Variants in UBA52 observed in about 807,000 individuals in gnomAD.
The protein encoded by UBA52 is ubiquitin A-52 residue ribosomal protein fusion product 1, also known as ubiquitin-ribosomal protein eL40 fusion protein.
A neutral mutation model predicts 15.3 loss-of-function variants in UBA52; 1 was observed. The observed-to-expected ratio is 0.07, with a 90% CI of 0.02 to 0.31. The LOEUF is 0.31. Among genes scored for constraint, UBA52 ranks in the 10% least tolerant of loss-of-function variants. The probability of loss-of-function intolerance (pLI) is 1.00; values close to 1 mark genes in which losing one functional copy is unlikely to be tolerated. For synonymous variants in UBA52, 50 were observed against 58.3 expected, an observed-to-expected ratio of 0.86 and a Z score of 0.65; for missense variants, 87 against 168.0, an observed-to-expected ratio of 0.52 and a Z score of 2.66.
rs1975739565 is a variant in UBA52, at chr19:18,575,373, G to C, written c.*223G>C. 1 of 565,650 alleles carries C rather than the reference G, an allele frequency of 1.8e-6. No homozygotes were observed. The highest frequency in any genetic ancestry group is 1.9e-5 in the African/African-American group (1 of 53,060). 35.0% of individuals were successfully genotyped at this position (565,650 alleles called of 1,614,324 possible). On this transcript the variant is annotated 3_prime_UTR_variant, in exon 5 of 5. Transcript: ENST00000442744. ...TCCTAGATTCTGTCACATCGGCATTGGTCCCTGCCCTATGCCCCTGACTCT... is the reference window on the plus strand; with the variant it reads ...TCCTAGATTCTGTCACATCGGCATTCGTCCCTGCCCTATGCCCCTGACTCT...
upstream of UBA52, among the ~76,000 whole-genome samples, chr19:18,566,839 C>T (rs1975264388): frequency 6.6e-6 from 1 of 152,004 alleles, no homozygotes; most frequent in African/African-American, 2.4e-5. Flanking sequence ...ATGTAAGAAG[C>T]AGCCTCGCAG....
upstream of UBA52, among the ~76,000 whole-genome samples, chr19:18,571,190 A>C (rs1384771272): frequency 6.6e-6 from 1 of 151,490 alleles, no homozygotes; most frequent in South Asian, 2.1e-4. Context: ...CACACTTGTA[A>C]TCGCAGCTAC....
In UBA52 at chr19:18,571,857, C is replaced by G. The variant is rs534884486; in HGVS notation, c.-61C>G. 6.6e-6 allele frequency: 1 copy of G among 152,634 alleles called. No individual in the cohort carries two copies. Among genetic ancestry groups the G allele is most frequent in the African/African-American group, 2.4e-5 (1 of 41,492 alleles). 9.5% of individuals were successfully genotyped at this position (152,634 alleles called of 1,614,324 possible). On this transcript the variant is annotated 5_prime_UTR_variant, in exon 1 of 5. Transcript: ENST00000442744. ...ATTAGGTGGTTTCCGGTTCCGCTAT[C>G]TTCTTTTTCTTCAGCGAGGCGGCCG...
chr19:18,570,318 C>T (rs1407631462), upstream of UBA52, among the ~76,000 whole-genome samples: 2 of 151,416 alleles, frequency 1.3e-5, no homozygotes, highest in African/African-American at 2.4e-5. Flanking sequence ...CTCCTGCCTC[C>T]GAAGTAGCTG....
chr19:18,564,296 C>T, the UBA52 span, among the ~76,000 whole-genome samples: 2 of 152,162 alleles, frequency 1.3e-5, no homozygotes, highest in East Asian at 1.9e-4. Flanking sequence ...AGGGCTGGGC[C>T]AGAGGAACAA....
upstream of UBA52, among the ~76,000 whole-genome samples, chr19:18,570,971 C>A (rs1975459161): frequency 6.6e-6 from 1 of 151,370 alleles, no homozygotes; most frequent in Admixed American, 6.6e-5. Flanking sequence ...AGTCACCGGA[C>A]CCAGGTCCCG....
upstream of UBA52, chr19:18,568,695 C>T (rs542881605): frequency 7.8e-7 from 1 of 1,278,948 alleles, no homozygotes; most frequent in East Asian, 2.4e-5. Context: ...AGCGGGTAAC[C>T]CTGCCTTGTT....
intron 1 of UBA52, chr19:18,572,319 A>G (rs559406349): frequency 1.3e-5 from 2 of 152,016 alleles, no homozygotes; most frequent in African/African-American, 4.8e-5. Context: ...TGCTTTTTAG[A>G]CTTTTCTTTA....
chr19:18,575,232 G>C lies in UBA52; in HGVS notation c.*82G>C, dbSNP rs773726468. ...CAATAAAGTGTCCCTTTCATTGACT[G>C]GAGCAGCAATTGGTGTCCTCATGGC... On this transcript the variant is annotated 3_prime_UTR_variant, in exon 5 of 5. Coordinates refer to ENST00000442744, the MANE Select transcript of UBA52 (RefSeq NM_001033930.3). 6.5e-6 allele frequency: 10 copies of C among 1,536,584 alleles called. No individual in the cohort carries two copies. The highest frequency in any genetic ancestry group is 8.9e-6 in the Non-Finnish European group (10 of 1,121,898).
rs537500788 is a variant in UBA52, at chr19:18,573,934, T to G, written c.190+186T>G. ...GGGAGGCTTAGGCGGGTGGATCACC[T>G]GAGGTCAGGAGTTCAAGACCAGCCT... is the stretch of plus-strand genomic sequence containing the variant. On this transcript the variant is annotated intron_variant, in intron 3 of 4. Transcript: ENST00000442744. 6.1e-5 allele frequency: 36 copies of G among 589,830 alleles called. No homozygotes were observed. In the South Asian group the frequency reaches 7.0e-4, roughly 11 times the overall value. 36.5% of individuals were successfully genotyped at this position (589,830 alleles called of 1,614,324 possible).
At chr19:18,573,190 TTG>T in intron 1 of UBA52, 101 bp from the exon 2 acceptor site, 1 of 1,224,002 alleles carries the variant, frequency 8.2e-7, no homozygotes, top group South Asian at 1.4e-5. Flanking sequence ...CCAGTTGGAC[TTG>T]GTGCAGGCAA....
At chr19:18,572,805 G>C (rs1378190971) in intron 1 of UBA52, 67 of 1,009,360 alleles carry the variant, frequency 6.6e-5, no homozygotes, top group Non-Finnish European at 7.7e-5. Flanking sequence ...AGTTAGAGAG[G>C]AGAGAGGCTG....
At position 18,573,755 on chromosome 19, in the gene UBA52, G is replaced by T. The variant is rs1168986078; in HGVS notation, c.190+7G>T. ...GACTACAACATCCAGAAAGGTACCG[G>T]GGTTGGGGTTGCTGGGCAGGGACCC... On this transcript the variant is annotated splice_region_variant and intron_variant, in intron 3 of 4. Coordinates refer to ENST00000442744, the MANE Select transcript of UBA52 (RefSeq NM_001033930.3). 1 of 1,613,650 alleles carries T rather than the reference G, an allele frequency of 6.2e-7. No homozygotes were observed. The highest frequency in any genetic ancestry group is 1.7e-5 in the Admixed American group (1 of 59,920).
upstream of UBA52, among the ~76,000 whole-genome samples, chr19:18,568,068 T>C (rs1339823942): frequency 6.6e-6 from 1 of 152,054 alleles, no homozygotes; most frequent in East Asian, 1.9e-4. Flanking sequence ...GGGAGTTCGA[T>C]ACCAGCCTGA....
rs1975787848 is a variant in UBA52 at position 18,576,487 on chromosome 19, GC to G, written c.*1338del. 1 of 151,782 alleles carries G rather than the reference GC, an allele frequency of 6.6e-6. No homozygotes were observed. Among genetic ancestry groups the G allele is most frequent in the Admixed American group, 6.6e-5 (1 of 15,234 alleles). 9.4% of individuals were successfully genotyped at this position (151,782 alleles called of 1,614,324 possible). On this transcript the variant is annotated 3_prime_UTR_variant, in exon 5 of 5. Coordinates refer to ENST00000442744, the MANE Select transcript of UBA52 (RefSeq NM_001033930.3). ...GGGTGCAGTGGTAGGATCATAGCTTGCTGCAGCCTTGATCTCCCAGGATCTT... is the reference window on the plus strand; with the variant it reads ...GGGTGCAGTGGTAGGATCATAGCTTGTGCAGCCTTGATCTCCCAGGATCTT...
intron 1 of UBA52, chr19:18,572,987 C>T (rs1975580039): frequency 4.1e-6 from 5 of 1,206,668 alleles, no homozygotes; most frequent in Admixed American, 7.7e-5. Flanking sequence ...GAGATACTGA[C>T]GAGTCCTTCC....
At chr19:18,569,482 A>G (rs545258788), upstream of UBA52, 5 of 152,810 alleles carry the variant, frequency 3.3e-5, no homozygotes, top group East Asian at 9.6e-4. Flanking sequence ...GGTGCAGACA[A>G]TCAGGCACTA....
rs1213951900 is a variant in UBA52, at chr19:18,577,004, C to T, written c.*1854C>T. Reference sequence around the variant, plus strand: ...TTTTTTTTTTTTTTTTTTTTACAGACATGGTCTCGCTATGTTGCCCAGAAT... The same window carrying T: ...TTTTTTTTTTTTTTTTTTTTACAGATATGGTCTCGCTATGTTGCCCAGAAT... On this transcript the variant is annotated 3_prime_UTR_variant, in exon 5 of 5. Transcript: ENST00000442744. The T allele has an allele frequency of 1.8e-5, 2 of 109,694 alleles. No individual in the cohort carries two copies. Among genetic ancestry groups the T allele is most frequent in the Non-Finnish European group, 3.8e-5 (2 of 52,540 alleles). The allele number at this position is 109,694 out of a possible 1,614,324, so 6.8% of individuals were successfully genotyped here. A position where few individuals can be genotyped will look rare whatever the true frequency, so the allele number is the denominator to read the frequency against.
upstream of UBA52, among the ~76,000 whole-genome samples, chr19:18,570,342 G>A (rs1016575945): frequency 2.6e-5 from 4 of 151,564 alleles, no homozygotes; most frequent in Non-Finnish European, 4.4e-5. Flanking sequence ...CTGCAGGTGC[G>A]CACCACCACA....
Sources: gnomAD v4.1 joint callset for allele counts (sites outside exome capture counted in the v4.1 genomes callset) on GRCh38, gnomAD v4.1.1 for gene constraint, MANE v1.5 for transcripts, NCBI Gene and HGNC (gene_info 2026-07-23, HGNC 2026-07-21) for gene names.